CTNNA3: variants seen among roughly 807,000 people sequenced by gnomAD.
CTNNA3 encodes the protein catenin alpha 3.
Under a neutral mutation model 95.7 loss-of-function variants are expected in CTNNA3, and 76 were observed. That is an observed-to-expected ratio of 0.79 (90% confidence interval 0.66 to 0.96). The LOEUF (loss-of-function observed/expected upper bound fraction) is 0.96. CTNNA3 is among the 40% of genes least tolerant of loss of function. The pLI is 0.00. For synonymous variants in CTNNA3, 431 were observed against 374.4 expected (o/e 1.15, Z -1.74); for missense variants, 1,191 against 1,089.8 (o/e 1.09, Z -1.31).
intron 13 of CTNNA3, among the ~76,000 whole-genome samples, chr10:66,248,162 TTTAAG>T (rs1446372224): frequency 3.3e-5 from 5 of 152,108 alleles, no homozygotes; most frequent in Admixed American, 6.6e-5. Context: ...TGCCATCAAC[TTTAAG>T]TTGTCATTAG....
At chr10:65,961,176 G>C (rs1263240636) in intron 17 of CTNNA3, among the ~76,000 whole-genome samples, 1 of 151,650 alleles carries the variant, frequency 6.6e-6, no homozygotes, top group African/African-American at 2.4e-5. Context: ...TGCTTTTGGT[G>C]ACTCTGTCTG....
intron 13 of CTNNA3, among the ~76,000 whole-genome samples, chr10:66,233,159 C>CAAAAA (rs56368191): frequency 1.7e-5 from 1 of 60,202 alleles, no homozygotes; most frequent in African/African-American, 7.5e-5. Flanking sequence ...GACTCCACCT[C>CAAAAA]AAAAAAAAAA....
intron 9 of CTNNA3, among the ~76,000 whole-genome samples, chr10:66,729,880 G>A (rs1048257400): frequency 5.1e-4 from 78 of 152,048 alleles, no homozygotes; most frequent in Middle Eastern, 6.9e-3. Flanking sequence ...TGAGGCGGGC[G>A]GATCACGAGG....
At chr10:66,630,828 AG>A (rs1235401075) in intron 9 of CTNNA3, among the ~76,000 whole-genome samples, 1 of 152,182 alleles carries the variant, frequency 6.6e-6, no homozygotes, top group Non-Finnish European at 1.5e-5. Context: ...GTGCTGTAAA[AG>A]CACATAGCAA....
chr10:66,106,268 C>A (rs576137149), intron 13 of CTNNA3, among the ~76,000 whole-genome samples: 2 of 151,010 alleles, frequency 1.3e-5, no homozygotes, highest in South Asian at 4.2e-4. Context: ...TACCCTAGAT[C>A]ATGCCTTCTT....
chr10:66,849,146 T>G (rs1375183565), intron 7 of CTNNA3, among the ~76,000 whole-genome samples: 1 of 152,182 alleles, frequency 6.6e-6, no homozygotes, highest in African/African-American at 2.4e-5. Flanking sequence ...GCATTTGTAA[T>G]GGAACACCTC....
intron 11 of CTNNA3, among the ~76,000 whole-genome samples, chr10:66,393,061 T>C (rs2092946584): frequency 6.6e-6 from 1 of 152,042 alleles, no homozygotes; most frequent in African/African-American, 2.4e-5. Context: ...CAAAAAGCGA[T>C]GAAAAATGAT....
At chr10:66,551,334 T>C (rs1842209049) in intron 10 of CTNNA3, among the ~76,000 whole-genome samples, 1 of 152,126 alleles carries the variant, frequency 6.6e-6, no homozygotes, top group Admixed American at 6.5e-5. Flanking sequence ...AAAAATCTTA[T>C]TCAAATCACT....
intron 7 of CTNNA3, among the ~76,000 whole-genome samples, chr10:67,174,355 C>T (rs2132120761): frequency 6.6e-6 from 1 of 152,196 alleles, no homozygotes; most frequent in Non-Finnish European, 1.5e-5. Flanking sequence ...TAGAGGAACC[C>T]AGATGCCTCC....
intron 7 of CTNNA3, among the ~76,000 whole-genome samples, chr10:66,871,533 G>C (rs1259043305): frequency 7.7e-6 from 1 of 129,476 alleles, no homozygotes; most frequent in African/African-American, 3.0e-5. Flanking sequence ...CTGCACTCCA[G>C]CCTGGGCAAC....
chr10:67,360,343 C>T (rs1219866273), intron 5 of CTNNA3, among the ~76,000 whole-genome samples: 2 of 151,346 alleles, frequency 1.3e-5, no homozygotes, highest in Admixed American at 6.6e-5. Context: ...TGGATCAAAA[C>T]CTCACATATC....
intron 7 of CTNNA3, among the ~76,000 whole-genome samples, chr10:67,011,848 G>A (rs1852360837): frequency 6.6e-6 from 1 of 152,110 alleles, no homozygotes; most frequent in African/African-American, 2.4e-5. Flanking sequence ...CCTACAGGTT[G>A]CATGTGGCAG....
At chr10:66,661,928 TCA>T (rs1193735456) in intron 9 of CTNNA3, among the ~76,000 whole-genome samples, 1 of 152,154 alleles carries the variant, frequency 6.6e-6, no homozygotes, top group African/African-American at 2.4e-5. Flanking sequence ...ACAATTCAGC[TCA>T]CAGTTAGTTT....
chr10:66,525,087 A>C (rs908441884), intron 10 of CTNNA3, among the ~76,000 whole-genome samples: 33 of 152,000 alleles, frequency 2.2e-4, no homozygotes, highest in Admixed American at 2.0e-3. Flanking sequence ...AAAGAAAGAC[A>C]AAAATAAACA....
chr10:66,360,737 TTTCTTTCTTC>T, intron 12 of CTNNA3, among the ~76,000 whole-genome samples: 2 of 89,864 alleles, frequency 2.2e-5, no homozygotes, highest in Non-Finnish European at 4.2e-5. Flanking sequence ...TCTTTCTTTC[TTTCTTTCTTC>T]CTTCCTTCCT....
At chr10:66,210,139 A>C (rs2131946344) in intron 13 of CTNNA3, among the ~76,000 whole-genome samples, 1 of 152,154 alleles carries the variant, frequency 6.6e-6, no homozygotes, top group South Asian at 2.1e-4. Context: ...TATTGCACAA[A>C]CCAGCTGGAG....
At position 67,481,253 on chromosome 10, in the gene CTNNA3, G is replaced by A. The variant is rs185142429; in HGVS notation, c.579+40589C>T. Among the ~76,000 whole-genome samples the A allele has an allele frequency of 3.6e-3, 551 of 152,210 alleles. 8 individuals are homozygous for A. The highest frequency in any genetic ancestry group is 0.013 in the African/African-American group (528 of 41,532). On this transcript the variant is annotated intron_variant, in intron 5 of 17. Transcript: ENST00000433211. ...TGCCCACTCTCACTACTCATCTTCAGCATAGTACTGGAAGTTCTAGCTGCA... is the reference window on the plus strand; with the variant it reads ...TGCCCACTCTCACTACTCATCTTCAACATAGTACTGGAAGTTCTAGCTGCA...
chr10:67,388,457 G>C (rs1244453432), intron 5 of CTNNA3, among the ~76,000 whole-genome samples: 5 of 123,180 alleles, frequency 4.1e-5, no homozygotes, highest in East Asian at 2.3e-4. Flanking sequence ...AAGTGATGGG[G>C]AGAATGGAAC....
intron 7 of CTNNA3, among the ~76,000 whole-genome samples, chr10:67,140,773 G>A (rs1333212854): frequency 3.9e-5 from 6 of 152,304 alleles, no homozygotes; most frequent in East Asian, 1.9e-4. Flanking sequence ...TATGTGCCAC[G>A]TGAAGGGGGA....
Sources: allele counts gnomAD v4.1 joint callset (sites outside exome capture counted in the v4.1 genomes callset), GRCh38; gene constraint gnomAD v4.1.1; transcripts MANE v1.5; gene names NCBI Gene and HGNC (gene_info 2026-07-23, HGNC 2026-07-21).